The following SGMS1 variants were observed in gnomAD, a reference collection of about 807,000 sequenced individuals.
The protein encoded by SGMS1 is sphingomyelin synthase 1, also known as phosphatidylcholine:ceramide cholinephosphotransferase 1.
A neutral mutation model predicts 46.2 loss-of-function variants in SGMS1; 13 were observed. That is an observed-to-expected ratio of 0.28 (90% CI 0.18 to 0.45). The LOEUF is 0.45. SGMS1 is among the 20% of genes least tolerant of loss of function. The pLI is 1.00. For synonymous variants in SGMS1, 203 were observed against 187.8 expected, an observed-to-expected ratio of 1.08 and a Z score of -0.66; for missense variants, 324 against 519.9, an observed-to-expected ratio of 0.62 and a Z score of 3.66.
At chr10:50,454,536 G>A (rs1175161032) in intron 5 of SGMS1, among the ~76,000 whole-genome samples, 3 of 152,146 alleles carry the variant, frequency 2.0e-5, no homozygotes, top group Admixed American at 6.5e-5. Context: ...TTCAACATGG[G>A]TCACAATGAG....
At position 50,504,356 on chromosome 10, in the gene SGMS1, T is replaced by C. The variant is rs78279949; in HGVS notation, c.-498+15475A>G. On this transcript the variant is annotated intron_variant, in intron 3 of 10. Coordinates refer to ENST00000361781, the MANE Select transcript of SGMS1 (RefSeq NM_147156.4). ...GGGAAACACTGGATTGGACTAATTA[T>C]ACTTTGTAACACTTAGCTTTCTCAA... Among the ~76,000 whole-genome samples, 1,423 of 152,344 alleles carry C rather than the reference T, an allele frequency of 9.3e-3. 25 individuals carry two copies. Among genetic ancestry groups the C allele is most frequent in the African/African-American group, 0.033 (1,358 of 41,576 alleles).
chr10:50,315,553 C>T (rs1420572539), intron 8 of SGMS1, among the ~76,000 whole-genome samples: 1 of 152,232 alleles, frequency 6.6e-6, no homozygotes, highest in Non-Finnish European at 1.5e-5. Flanking sequence ...CTTCCTCCAT[C>T]TGCCCACTAT....
chr10:50,528,852 G>T (rs552806186), intron 2 of SGMS1, among the ~76,000 whole-genome samples: 4 of 152,340 alleles, frequency 2.6e-5, no homozygotes, highest in African/African-American at 7.2e-5. Flanking sequence ...AAGAGAAGAA[G>T]AAGCCTAAAT....
chr10:50,552,682 G>T (rs1224211056), intron 2 of SGMS1, among the ~76,000 whole-genome samples: 1 of 152,122 alleles, frequency 6.6e-6, no homozygotes, highest in East Asian at 1.9e-4. Flanking sequence ...ATAGTGCCCC[G>T]TCCCCCGCCA....
chr10:50,443,548 C>CA (rs1454810397), intron 5 of SGMS1, among the ~76,000 whole-genome samples: 4 of 151,366 alleles, frequency 2.6e-5, no homozygotes, highest in African/African-American at 9.7e-5. Flanking sequence ...CTATATACAA[C>CA]AAAAAAATCT....
chr10:50,500,952 T>C (rs985671216), intron 3 of SGMS1, among the ~76,000 whole-genome samples: 3 of 152,200 alleles, frequency 2.0e-5, no homozygotes, highest in Non-Finnish European at 4.4e-5. Context: ...ATTTCTATGG[T>C]AGTTCAAGAG....
chr10:50,553,800 A>T (rs1054164631), intron 2 of SGMS1, among the ~76,000 whole-genome samples: 41 of 152,354 alleles, frequency 2.7e-4, no homozygotes, highest in African/African-American at 9.6e-4. Flanking sequence ...ACATTAGTTA[A>T]ATCAAAGTGC....
intron 2 of SGMS1, among the ~76,000 whole-genome samples, chr10:50,572,650 T>C (rs1314247369): frequency 1.3e-5 from 2 of 152,220 alleles, no homozygotes; most frequent in Admixed American, 1.3e-4. Context: ...TCTAAAACTA[T>C]GACTCTATGC....
intron 1 of SGMS1, among the ~76,000 whole-genome samples, chr10:50,606,103 A>G (rs1838692100): frequency 1.3e-5 from 2 of 152,252 alleles, no homozygotes; most frequent in South Asian, 2.1e-4. Flanking sequence ...GTGTCCAATG[A>G]CAGATGAATG....
chr10:50,545,489 T>G (rs1298548491), intron 2 of SGMS1, among the ~76,000 whole-genome samples: 1 of 152,122 alleles, frequency 6.6e-6, no homozygotes, highest in African/African-American at 2.4e-5. Context: ...CAGGCTAGAG[T>G]GCAGTGGTGT....
At chr10:50,355,730 G>A (rs10763365) in intron 6 of SGMS1, among the ~76,000 whole-genome samples, 25,717 of 152,088 alleles carry the variant, frequency 0.17, 2,515 homozygotes, top group Admixed American at 0.25. Flanking sequence ...CTGCCTGGCC[G>A]CCCATCGTCT....
chr10:50,319,003 A>G (rs753992841), intron 8 of SGMS1, among the ~76,000 whole-genome samples: 11 of 152,150 alleles, frequency 7.2e-5, no homozygotes, highest in African/African-American at 1.2e-4. Flanking sequence ...AATCTTAAAT[A>G]AAGGTCAGCT....
intron 3 of SGMS1, among the ~76,000 whole-genome samples, chr10:50,488,121 C>T (rs1837538038): frequency 6.6e-6 from 1 of 151,984 alleles, no homozygotes; most frequent in Non-Finnish European, 1.5e-5. Flanking sequence ...TCTAGCGACA[C>T]TCCTGCCTCA....
intron 6 of SGMS1, among the ~76,000 whole-genome samples, chr10:50,400,614 C>A (rs1848923015): frequency 6.6e-6 from 1 of 151,254 alleles, no homozygotes; most frequent in Admixed American, 6.6e-5. Context: ...CCTCGCCCAG[C>A]CAATTAAAAA....
At chr10:50,491,133 G>A (rs939477243) in intron 3 of SGMS1, among the ~76,000 whole-genome samples, 29 of 152,250 alleles carry the variant, frequency 1.9e-4, no homozygotes, top group African/African-American at 6.7e-4. Flanking sequence ...AATCAGCTGA[G>A]CCCAGGAGTT....
At chr10:50,510,487 T>G (rs1041369855) in intron 3 of SGMS1, among the ~76,000 whole-genome samples, 4 of 152,196 alleles carry the variant, frequency 2.6e-5, no homozygotes, top group African/African-American at 9.6e-5. Context: ...CTTCTCAGAC[T>G]CTCACCAGCA....
At chr10:50,313,643 T>C (rs1847294020) in intron 8 of SGMS1, among the ~76,000 whole-genome samples, 1 of 152,234 alleles carries the variant, frequency 6.6e-6, no homozygotes, top group Non-Finnish European at 1.5e-5. Context: ...CAAAAAAGCT[T>C]GGGTATTTCT....
chr10:50,486,096 T>C (rs529669880), intron 3 of SGMS1, among the ~76,000 whole-genome samples: 3 of 152,266 alleles, frequency 2.0e-5, no homozygotes, highest in African/African-American at 7.2e-5. Flanking sequence ...TAAATGATGC[T>C]GGGATAACTG....
At chr10:50,419,124 T>C (rs1849221655) in intron 6 of SGMS1, among the ~76,000 whole-genome samples, 3 of 152,124 alleles carry the variant, frequency 2.0e-5, no homozygotes, top group Non-Finnish European at 4.4e-5. Flanking sequence ...TTCAGGACCA[T>C]CGAGATTTCA....
Sources: allele counts gnomAD v4.1 joint callset (sites outside exome capture counted in the v4.1 genomes callset), GRCh38; gene constraint gnomAD v4.1.1; transcripts MANE v1.5; gene names NCBI Gene and HGNC (gene_info 2026-07-23, HGNC 2026-07-21).